Variants in CSMD1 observed in about 807,000 individuals in gnomAD.
CSMD1 encodes CUB and Sushi multiple domains 1.
CSMD1 carries 213 observed loss-of-function variants against 417.5 expected under a neutral mutation model. That is an observed-to-expected ratio of 0.51 (90% CI 0.46 to 0.57). The LOEUF (loss-of-function observed/expected upper bound fraction) is 0.57, where lower values mean the gene tolerates loss of function less well. Ranked by LOEUF, CSMD1 falls within the 20% of genes least tolerant of loss-of-function variation. CSMD1 has a pLI of 0.00. For synonymous variants in CSMD1, 2,862 were observed against 1,736.8 expected (o/e 1.65, Z -16.11); for missense variants, 6,923 against 4,529.7 (o/e 1.53, Z -15.17).
At chr8:4,912,121 T>TC (rs1805717270) in intron 1 of CSMD1, among the ~76,000 whole-genome samples, 5 of 15,512 alleles carry the variant, frequency 3.2e-4, no homozygotes, top group African/African-American at 9.1e-4. Flanking sequence ...CAACATAGCT[T>TC]CAAAAAAAAA....
intron 12 of CSMD1, among the ~76,000 whole-genome samples, chr8:3,458,978 C>G (rs1224324790): frequency 1.3e-5 from 2 of 152,192 alleles, no homozygotes; most frequent in African/African-American, 4.8e-5. Flanking sequence ...GTGCAGCTCT[C>G]AAGCTGGGCC....
chr8:4,039,918 A>C (rs1282160036), intron 3 of CSMD1, among the ~76,000 whole-genome samples: 2 of 152,210 alleles, frequency 1.3e-5, no homozygotes, highest in African/African-American at 4.8e-5. Flanking sequence ...AAGGGGAATG[A>C]AAAGTAAAGC....
intron 2 of CSMD1, among the ~76,000 whole-genome samples, chr8:4,604,379 C>T (rs1026948807): frequency 1.1e-5 from 1 of 87,216 alleles, no homozygotes. Context: ...TGACAAATAG[C>T]ATTGTGTGTG....
At chr8:3,013,058 G>A (rs1373829637) in intron 52 of CSMD1, among the ~76,000 whole-genome samples, 1 of 152,100 alleles carries the variant, frequency 6.6e-6, no homozygotes, top group Non-Finnish European at 1.5e-5. Context: ...AGCCTCCCCA[G>A]CCAGGTGGAA....
intron 2 of CSMD1, among the ~76,000 whole-genome samples, chr8:4,588,786 A>ACACACACACACACT (rs1335990916): frequency 6.6e-6 from 1 of 151,572 alleles, no homozygotes; most frequent in Non-Finnish European, 1.5e-5. Context: ...TCCGACACAC[A>ACACACACACACACT]CACACACACA....
intron 3 of CSMD1, among the ~76,000 whole-genome samples, chr8:4,222,862 T>C (rs1378528372): frequency 6.6e-6 from 1 of 152,144 alleles, no homozygotes; most frequent in African/African-American, 2.4e-5. Context: ...AATTAATTTG[T>C]TTTGATCACT....
At chr8:3,134,301 C>G (rs1817956548) in intron 41 of CSMD1, among the ~76,000 whole-genome samples, 1 of 152,228 alleles carries the variant, frequency 6.6e-6, no homozygotes, top group South Asian at 2.1e-4. Context: ...TAGGCAGTTC[C>G]TGAACCATGA....
intron 1 of CSMD1, among the ~76,000 whole-genome samples, chr8:4,749,865 A>G (rs191136411): frequency 6.0e-4 from 92 of 152,194 alleles, no homozygotes; most frequent in Admixed American, 1.3e-3. Context: ...TTACGGCAAA[A>G]AGAGAAATGC....
intron 7 of CSMD1, among the ~76,000 whole-genome samples, chr8:3,700,955 G>C (rs1382729910): frequency 6.6e-6 from 1 of 151,986 alleles, no homozygotes; most frequent in Admixed American, 6.6e-5. Context: ...GGCAGGGAGA[G>C]GCTGAGGATG....
chr8:4,061,411 T>C (rs569318461), intron 3 of CSMD1, among the ~76,000 whole-genome samples: 18 of 152,338 alleles, frequency 1.2e-4, no homozygotes, highest in Non-Finnish European at 2.4e-4. Flanking sequence ...ATCAGCTTCC[T>C]AGCACTCTTC....
chr8:4,368,333 C>CA, intron 3 of CSMD1, among the ~76,000 whole-genome samples: 1 of 152,092 alleles, frequency 6.6e-6, no homozygotes, highest in Non-Finnish European at 1.5e-5. Flanking sequence ...CACAGGTATA[C>CA]AGCCTACTTT....
At chr8:3,551,434 G>T (rs992854787) in intron 10 of CSMD1, among the ~76,000 whole-genome samples, 3 of 151,906 alleles carry the variant, frequency 2.0e-5, no homozygotes, top group Admixed American at 6.6e-5. Context: ...TAACTAATCT[G>T]CACACTGACA....
chr8:4,247,076 C>A (rs1197896407), intron 3 of CSMD1, among the ~76,000 whole-genome samples: 2 of 152,172 alleles, frequency 1.3e-5, no homozygotes, highest in Non-Finnish European at 2.9e-5. Flanking sequence ...CCAAGGGCTA[C>A]CCCATGGGTT....
chr8:4,943,420 C>A (rs1420787374), intron 1 of CSMD1, among the ~76,000 whole-genome samples: 3 of 151,640 alleles, frequency 2.0e-5, no homozygotes, highest in Non-Finnish European at 4.4e-5. Context: ...GGCGTGAACC[C>A]GGGAGGCGGA....
rs1344902521 is a variant in CSMD1, at chr8:4,236,044, T to G, written c.415+183909A>C. Among the ~76,000 whole-genome samples, 118 of 41,584 alleles carry G rather than the reference T, an allele frequency of 2.8e-3. 2 individuals carry two copies. The highest frequency in any genetic ancestry group is 9.1e-3 in the Middle Eastern group (1 of 110). The allele number at this position is 41,584 out of a possible 152,430, so 27.3% of individuals were successfully genotyped here. On this transcript the variant is annotated intron_variant, in intron 3 of 69. Transcript: ENST00000635120. Reference sequence around the variant, plus strand: ...GGATATTGTTTTTTTTGTTTGTTTTTTTTTTTTTTTTTTTTTTTTTTTTTT... The same window carrying G: ...GGATATTGTTTTTTTTGTTTGTTTTGTTTTTTTTTTTTTTTTTTTTTTTTT...
chr8:3,819,560 A>ATT (rs1563112268), intron 5 of CSMD1, among the ~76,000 whole-genome samples: 3 of 23,234 alleles, frequency 1.3e-4, no homozygotes, highest in African/African-American at 3.5e-4. Flanking sequence ...ACACACACAC[A>ATT]CGTATGTATA....
chr8:3,409,675 G>T, intron 12 of CSMD1, 70 bp from the exon 13 acceptor site: 2 of 1,247,442 alleles, frequency 1.6e-6, no homozygotes, highest in Non-Finnish European at 2.2e-6. Flanking sequence ...CTACAACTTA[G>T]AAAGTAAATA....
chr8:3,309,506 C>A (rs1805159168), intron 23 of CSMD1, among the ~76,000 whole-genome samples: 1 of 152,136 alleles, frequency 6.6e-6, no homozygotes, highest in Non-Finnish European at 1.5e-5. Flanking sequence ...TTAGCTTCTG[C>A]AGTACTGAGA....
intron 28 of CSMD1, among the ~76,000 whole-genome samples, chr8:3,222,756 G>T (rs1181564609): frequency 6.6e-6 from 1 of 152,194 alleles, no homozygotes; most frequent in East Asian, 1.9e-4. Context: ...TGTAATAGCT[G>T]AGTAACATTT....
Sources: allele counts gnomAD v4.1 joint callset (sites outside exome capture counted in the v4.1 genomes callset), GRCh38; gene constraint gnomAD v4.1.1; transcripts MANE v1.5; gene names NCBI Gene and HGNC (gene_info 2026-07-23, HGNC 2026-07-21).